KIF20B: variants seen among roughly 807,000 people sequenced by gnomAD.
KIF20B encodes kinesin family member 20B, also known as kinesin-like protein KIF20B.
In KIF20B, 188 loss-of-function variants were observed where a neutral mutation model predicts 232.5. The ratio of observed to expected loss-of-function variants is 0.81; its 90% CI spans 0.72 to 0.91. KIF20B has a LOEUF of 0.91. KIF20B is among the 40% of genes least tolerant of loss of function. The pLI, the probability that KIF20B is intolerant of heterozygous loss-of-function variation, is 0.00. For synonymous variants in KIF20B, 712 were observed against 683.0 expected (o/e 1.04, Z -0.66); for missense variants, 2,154 against 2,055.9 (o/e 1.05, Z -0.92).
In KIF20B at chr10:89,729,047, CTG is replaced by C. The variant is rs909767482; in HGVS notation, c.2272-79_2272-78del. On this transcript the variant is annotated intron_variant, in intron 17 of 32. Coordinates refer to ENST00000371728, the MANE Select transcript of KIF20B (RefSeq NM_001284259.2). ...TTTAAAATTTGAAGGAATTATAAAA[CTG>C]TTTGCATTATTAATCATATTTGCAT... The C allele has an allele frequency of 5.6e-5, 64 of 1,149,194 alleles. No homozygotes were observed. In the South Asian group the frequency reaches 8.5e-4, roughly 15 times the overall value. 71.2% of individuals were successfully genotyped at this position (1,149,194 alleles called of 1,614,324 possible).
rs1841899678 is a variant in KIF20B, at chr10:89,745,916, G to C, written c.4053G>C (p.Gln1351His). 6.2e-7 allele frequency: 1 copy of C among 1,608,194 alleles called. No homozygotes were observed. Among genetic ancestry groups the C allele is most frequent in the Admixed American group, 1.7e-5 (1 of 60,020 alleles). The change falls in exon 23 of 33, where the codon CAG (glutamine) becomes CAC (histidine). Residue 1351 changes from glutamine (Q) to histidine (H), a missense_variant. Coordinates refer to ENST00000371728, the MANE Select transcript of KIF20B (RefSeq NM_001284259.2). ...IQQLKEQLNN[Q>H]KVEEAIQQYE... ...ATTTGTAGGAGCAGTTAAATAATCAGAAAGTGGAAGAAGCTATACAACAGT... is the reference window on the plus strand; with the variant it reads ...ATTTGTAGGAGCAGTTAAATAATCACAAAGTGGAAGAAGCTATACAACAGT...
intron 14 of KIF20B, among the ~76,000 whole-genome samples, chr10:89,724,443 C>G (rs1843132551): frequency 6.6e-6 from 1 of 152,124 alleles, no homozygotes; most frequent in Admixed American, 6.6e-5. Flanking sequence ...GCACGAGAAT[C>G]TCTTGAACCT....
chr10:89,730,318 G>A (rs1406035018), intron 18 of KIF20B, among the ~76,000 whole-genome samples: 1 of 152,140 alleles, frequency 6.6e-6, no homozygotes, highest in Non-Finnish European at 1.5e-5. Context: ...AGAAACACTT[G>A]TGGAGTGTCC....
rs560816478 is a variant in KIF20B, at chr10:89,764,799, C to T, written c.4989+1964C>T. 9.9e-5 allele frequency among the ~76,000 whole-genome samples: 15 copies of T among 151,898 alleles called. No homozygotes were observed. The East Asian group carries it at 2.9e-3, about 29-fold the overall frequency. ...TCATTGTAGATTCTGGATATTAGCC[C>T]TTTGTCAGATGAGTAGGTTGCGAAA... On this transcript the variant is annotated intron_variant, in intron 29 of 32. Transcript: ENST00000371728.
chr10:89,757,042 A>G (rs12762923), intron 26 of KIF20B, among the ~76,000 whole-genome samples: 33,967 of 77,526 alleles, frequency 0.44, 4,533 homozygotes, highest in East Asian at 0.52. Context: ...GTGTGTGTGT[A>G]TATATATATA....
chr10:89,704,962 T>C (rs1842691869), intron 1 of KIF20B, among the ~76,000 whole-genome samples: 1 of 152,260 alleles, frequency 6.6e-6, no homozygotes, highest in Admixed American at 6.5e-5. Context: ...CCCTGTGATC[T>C]CCTTACTATT....
At position 89,768,743 on chromosome 10, in the gene KIF20B, C is replaced by G; in HGVS notation, c.5097C>G (p.Ala1699=). ...AAAAATGTTTTGTTTATTAGGTTGC[C>G]ATACGTCCATCATCTAAGAAAACAT... ...NSSVKKEQKV[A]IRPSSKKTYS... is the part of the protein sequence containing the mutation. The change falls in exon 31 of 33, where the codon GCC becomes GCG. Residue 1699 remains alanine (A), a synonymous_variant. Transcript: ENST00000371728. 1 of 1,585,378 alleles carries G rather than the reference C, an allele frequency of 6.3e-7. No homozygotes were observed. Among genetic ancestry groups the G allele is most frequent in the Non-Finnish European group, 8.5e-7 (1 of 1,171,566 alleles).
At chr10:89,704,687 C>A (rs930704743) in intron 1 of KIF20B, among the ~76,000 whole-genome samples, 11 of 152,104 alleles carry the variant, frequency 7.2e-5, no homozygotes, top group African/African-American at 2.7e-4. Flanking sequence ...TCCCGAGTAG[C>A]TGGGATTACA....
intron 23 of KIF20B, among the ~76,000 whole-genome samples, chr10:89,747,202 G>C (rs1452824951): frequency 6.6e-6 from 1 of 152,142 alleles, no homozygotes; most frequent in Non-Finnish European, 1.5e-5. Context: ...TCTCACACCA[G>C]TTAGAATGGC....
At chr10:89,715,326 GA>G in intron 8 of KIF20B, 144 bp downstream of exon 8, 1 of 632,980 alleles carries the variant, frequency 1.6e-6, no homozygotes. Flanking sequence ...TTGTGCTTTG[GA>G]AGTATGTTTT....
At chr10:89,735,432 A>G (rs1280212579) in intron 19 of KIF20B, among the ~76,000 whole-genome samples, 1 of 152,160 alleles carries the variant, frequency 6.6e-6, no homozygotes, top group Non-Finnish European at 1.5e-5. Flanking sequence ...AATAAAATAT[A>G]AAGAGCTGAG....
At chr10:89,761,529 C>T (rs917004603) in intron 28 of KIF20B, among the ~76,000 whole-genome samples, 1 of 151,526 alleles carries the variant, frequency 6.6e-6, no homozygotes, top group African/African-American at 2.4e-5. Context: ...GGCAGCTGAA[C>T]TTGAACTCCC....
intron 27 of KIF20B, among the ~76,000 whole-genome samples, chr10:89,760,223 A>C (rs993101579): frequency 3.9e-5 from 6 of 152,214 alleles, no homozygotes; most frequent in Middle Eastern, 3.4e-3. Flanking sequence ...TGCCAGACCT[A>C]CCTGCAGAGT....
intron 5 of KIF20B, among the ~76,000 whole-genome samples, chr10:89,710,441 C>T (rs1358809987): frequency 6.6e-6 from 1 of 152,114 alleles, no homozygotes; most frequent in Non-Finnish European, 1.5e-5. Flanking sequence ...TTTGGCCAGG[C>T]TAGTCTCGAA....
At position 89,717,465 on chromosome 10, in the gene KIF20B, C is replaced by T; in HGVS notation, c.1094C>T (p.Ser365Phe). 4 of 1,596,290 alleles carry T rather than the reference C, an allele frequency of 2.5e-6. No individual in the cohort carries two copies. The African/African-American group carries it at 5.4e-5, about 21-fold the overall frequency. ...FTVKILQIEDSEMSRVIRVSE... is the reference protein window; with the variant it reads ...FTVKILQIEDFEMSRVIRVSE... ...GTTAAAATATTACAGATTGAAGATT[C>T]TGAAATGTCTCGTGTAATTCGAGTC... Residue 365 changes from serine (S) to phenylalanine (F), a missense_variant, in exon 10 of 33, where the codon TCT (serine) becomes TTT (phenylalanine). Transcript: ENST00000371728.
intron 2 of KIF20B, among the ~76,000 whole-genome samples, chr10:89,707,134 CATTTTATGTTATTTGATGCT>C (rs1182673804): frequency 1.3e-5 from 2 of 152,202 alleles, no homozygotes; most frequent in Non-Finnish European, 2.9e-5. Flanking sequence ...TATTTATAAA[CATTTTATGTTATTTGATGCT>C]ATTGTAAATA....
chr10:89,752,445 T>C (rs1842040017), intron 24 of KIF20B, 122 bp from the exon 25 acceptor site: 1 of 624,920 alleles, frequency 1.6e-6, no homozygotes, highest in Non-Finnish European at 2.5e-6. Flanking sequence ...CTCAGTTCCA[T>C]CTTGGTCTGT....
chr10:89,752,841 C>A, intron 25 of KIF20B, 150 bp downstream of exon 25: 1 of 498,940 alleles, frequency 2.0e-6, no homozygotes, highest in Non-Finnish European at 3.2e-6. Context: ...TATAACTTTT[C>A]AGTGCACATT....
rs752435202 is a variant in KIF20B at position 89,718,806 on chromosome 10, C to T, written c.1368C>T (p.Ile456=). ...GKGKICMIVN[I]SQCYLAYDET... ...GGAAAATTTGTATGATTGTCAATAT[C>T]AGCCAATGTTATTTAGCCTATGATG... Residue 456 remains isoleucine (I), a synonymous_variant, in exon 12 of 33, where the codon ATC becomes ATT. Coordinates refer to ENST00000371728, the MANE Select transcript of KIF20B (RefSeq NM_001284259.2). The T allele has an allele frequency of 8.1e-6, 13 of 1,608,798 alleles. No individual in the cohort carries two copies. The highest frequency in any genetic ancestry group is 5.5e-5 in the South Asian group (5 of 90,600).
Sources: gnomAD v4.1 joint callset for allele counts (sites outside exome capture counted in the v4.1 genomes callset) on GRCh38, gnomAD v4.1.1 for gene constraint, MANE v1.5 for transcripts, NCBI Gene and HGNC (gene_info 2026-07-23, HGNC 2026-07-21) for gene names.